The following ATAD2B variants were observed in gnomAD, a reference collection of about 807,000 sequenced individuals.
ATAD2B encodes ATPase family AAA domain-containing protein 2B.
Under a neutral mutation model 167.6 loss-of-function variants are expected in ATAD2B, and 40 were observed. The observed-to-expected ratio is 0.24, with a 90% CI of 0.19 to 0.31. The LOEUF (loss-of-function observed/expected upper bound fraction) is 0.31, where lower values mean the gene tolerates loss of function less well. Among genes scored for constraint, ATAD2B ranks in the 10% least tolerant of loss-of-function variants. ATAD2B has a pLI of 1.00. For missense variants in ATAD2B, 1,242 were observed against 1,757.2 expected, an observed-to-expected ratio of 0.71 and a Z score of 5.24; for synonymous variants, 579 against 596.5, an observed-to-expected ratio of 0.97 and a Z score of 0.43.
Position 23,805,626 on chromosome 2 carries a change from G to C in ATAD2B, c.2454+4690C>G, listed in dbSNP as rs887393110. Among the ~76,000 whole-genome samples, 6 of 151,708 alleles carry C rather than the reference G, an allele frequency of 4.0e-5. No individual in the cohort carries two copies. In the South Asian group the frequency reaches 1.3e-3, roughly 32 times the overall value. On this transcript the variant is annotated intron_variant, in intron 18 of 27. Coordinates refer to ENST00000238789, the MANE Select transcript of ATAD2B (RefSeq NM_017552.4). The stretch of plus-strand genomic sequence containing the variant: ...AAAATTCCTAAACATAGAATTCCTG[G>C]GTCAAAAGGTATATGTATTTGAAAT...
At chr2:23,703,169 T>C in the ATAD2B span, 1 of 1,402,802 alleles carries the variant, frequency 7.1e-7, no homozygotes, top group Non-Finnish European at 9.3e-7. Flanking sequence ...CTGGGCTCTT[T>C]TTCTCCTCTC....
intron 17 of ATAD2B, chr2:23,811,180 T>TTGACAA (rs1685534221): frequency 6.6e-6 from 1 of 152,206 alleles, no homozygotes; most frequent in Admixed American, 6.5e-5. Context: ...GGTTAAATGT[T>TTGACAA]AGGAATCTCA....
downstream of ATAD2B, among the ~76,000 whole-genome samples, chr2:23,746,866 GAGC>G (rs958350821): frequency 6.6e-5 from 10 of 152,094 alleles, no homozygotes; most frequent in African/African-American, 2.2e-4. Flanking sequence ...GAGCTTTTAA[GAGC>G]ACCACACTTT....
intron 14 of ATAD2B, chr2:23,832,148 T>A: frequency 2.2e-6 from 1 of 453,334 alleles, no homozygotes; most frequent in Non-Finnish European, 4.6e-6. Context: ...ACCCTCCTCA[T>A]TGATACATTT....
At chr2:23,797,700 A>G (rs974530229) in intron 19 of ATAD2B, among the ~76,000 whole-genome samples, 2 of 152,192 alleles carry the variant, frequency 1.3e-5, no homozygotes, top group African/African-American at 4.8e-5. Context: ...TTTAAGTTTT[A>G]TAAAAACCTT....
intron 1 of ATAD2B, among the ~76,000 whole-genome samples, chr2:23,916,831 C>T (rs1287853810): frequency 6.6e-6 from 1 of 152,188 alleles, no homozygotes; most frequent in Admixed American, 6.6e-5. Flanking sequence ...AGCCCCTAGG[C>T]AGGCTGCTAA....
chr2:23,845,208 C>A (rs1691557100), intron 13 of ATAD2B, among the ~76,000 whole-genome samples: 1 of 152,178 alleles, frequency 6.6e-6, no homozygotes, highest in Admixed American at 6.5e-5. Flanking sequence ...CAGTTTCACT[C>A]CTTATCTCTA....
chr2:23,878,025 A>AAAAAAAAAAAAG (rs1697243135), intron 7 of ATAD2B, among the ~76,000 whole-genome samples: 12 of 106,960 alleles, frequency 1.1e-4, no homozygotes, highest in Non-Finnish European at 2.1e-4. Context: ...AAAAAAAAAA[A>AAAAAAAAAAAAG]AAAAAAAAAA....
At chr2:23,898,286 T>C (rs1700377456) in intron 1 of ATAD2B, among the ~76,000 whole-genome samples, 2 of 152,222 alleles carry the variant, frequency 1.3e-5, no homozygotes, top group African/African-American at 4.8e-5. Flanking sequence ...TGCCACCTAT[T>C]GTCTCTAAGG....
the ATAD2B span, chr2:23,691,605 T>A: frequency 1.5e-6 from 2 of 1,346,398 alleles, no homozygotes; most frequent in African/African-American, 2.9e-5. Context: ...CAGGGAGATC[T>A]AGCCCTGTGA....
the ATAD2B span, chr2:23,691,906 G>A: frequency 0.062 from 95,280 of 1,541,800 alleles, 3,227 homozygotes; most frequent in Middle Eastern, 0.11. Context: ...ATGTCGCTTG[G>A]GGGGAAGAGT....
intron 18 of ATAD2B, among the ~76,000 whole-genome samples, chr2:23,808,594 G>C (rs1041484399): frequency 1.3e-5 from 2 of 151,938 alleles, no homozygotes; most frequent in African/African-American, 2.4e-5. Flanking sequence ...CACTAACTTT[G>C]AAAGTGTCCA....
At chr2:23,797,477 A>T (rs1161621084) in intron 19 of ATAD2B, among the ~76,000 whole-genome samples, 1 of 152,154 alleles carries the variant, frequency 6.6e-6, no homozygotes, top group Non-Finnish European at 1.5e-5. Flanking sequence ...GAAAGGTCAA[A>T]TCTCATCAAA....
chr2:23,679,051 TA>T, the ATAD2B span, among the ~76,000 whole-genome samples: 74,993 of 141,714 alleles, frequency 0.53, 20,519 homozygotes, highest in East Asian at 0.77. Context: ...TTACCACAAC[TA>T]AAAAAAAAAA....
At chr2:23,880,830 A>C in intron 6 of ATAD2B, 75 bp from the exon 7 acceptor site, 1 of 842,112 alleles carries the variant, frequency 1.2e-6, no homozygotes, top group Non-Finnish European at 1.9e-6. Context: ...TCTAGAACTG[A>C]ATATTTACAC....
At chr2:23,682,826 C>T in the ATAD2B span, among the ~76,000 whole-genome samples, 1 of 152,196 alleles carries the variant, frequency 6.6e-6, no homozygotes, top group African/African-American at 2.4e-5. This position sits in a 1 kb window ranked among gnomAD's most constrained non-coding sequence, Gnocchi z 4.1. Context: ...CTTCCGCACC[C>T]CTGGAGATGC....
chr2:23,680,557 T>G, the ATAD2B span, among the ~76,000 whole-genome samples: 2 of 152,172 alleles, frequency 1.3e-5, no homozygotes, highest in South Asian at 4.1e-4. The surrounding 1 kb of genome is among the most constrained non-coding windows in gnomAD (Gnocchi z 4.1). Context: ...TCCCACCTGG[T>G]AGGCTCAGCT....
the ATAD2B span, chr2:23,707,258 G>A: frequency 6.6e-5 from 10 of 152,246 alleles, no homozygotes; most frequent in African/African-American, 2.4e-4. Context: ...GGACAGCCGG[G>A]GAGCAGGGAC....
At chr2:23,812,038 A>T (rs1308915793) in intron 17 of ATAD2B, among the ~76,000 whole-genome samples, 1 of 152,106 alleles carries the variant, frequency 6.6e-6, no homozygotes, top group East Asian at 1.9e-4. Context: ...CAAATGAAAC[A>T]AAGTTTACTC....
Sources: gnomAD v4.1 joint callset for allele counts (sites outside exome capture counted in the v4.1 genomes callset) on GRCh38, gnomAD v4.1.1 for gene constraint, Gnocchi (gnomAD v3.1) non-coding constraint, MANE v1.5 for transcripts, NCBI Gene and HGNC (gene_info 2026-07-23, HGNC 2026-07-21) for gene names.